The following AGO2 variants were observed in gnomAD, a reference collection of about 807,000 sequenced individuals.
AGO2 encodes the protein argonaute RISC catalytic component 2, also known as protein argonaute-2.
AGO2 carries 5 observed loss-of-function variants against 102.3 expected under a neutral mutation model. The ratio of observed to expected loss-of-function variants is 0.05; its 90% CI spans 0.03 to 0.10. The LOEUF (loss-of-function observed/expected upper bound fraction) is 0.10, where lower values mean the gene tolerates loss of function less well. Among genes scored for constraint, AGO2 ranks in the 10% least tolerant of loss-of-function variants. The pLI, the probability that AGO2 is intolerant of heterozygous loss-of-function variation, is 1.00. For missense variants in AGO2, 541 were observed against 1,183.7 expected (o/e 0.46, Z 7.97); for synonymous variants, 449 against 473.1 (o/e 0.95, Z 0.66).
Position 140,597,474 on chromosome 8 carries a change from A to G in AGO2, c.23-12163T>C, listed in dbSNP as rs796802557. On this transcript the variant is annotated intron_variant, in intron 1 of 18. Coordinates refer to ENST00000220592, the MANE Select transcript of AGO2 (RefSeq NM_012154.5). ...CCGATGGGGGCTGGGTGGCCCCCCC[A>G]CCCCCCCCCCCCCGCCCCAGGCCTC... is the stretch of plus-strand genomic sequence containing the variant. Among the ~76,000 whole-genome samples, 4 of 45,242 alleles carry G rather than the reference A, an allele frequency of 8.8e-5. No individual in the cohort carries two copies. The South Asian group carries it at 3.1e-3, about 35-fold the overall frequency. 29.7% of individuals were successfully genotyped at this position (45,242 alleles called of 152,430 possible).
At chr8:140,635,366 C>A (rs2074393568) in intron 1 of AGO2, 119 bp downstream of exon 1, 1 of 666,806 alleles carries the variant, frequency 1.5e-6, no homozygotes, top group South Asian at 6.5e-5. Context: ...GCCCCCGGCC[C>A]CCGCCGCCCC....
Position 140,556,212 on chromosome 8 carries a change from C to T in AGO2, c.1101G>A (p.Ala367=), listed in dbSNP as rs2271738. The change falls in exon 9 of 19, where the codon GCG becomes GCA. Residue 367 remains alanine (A), a synonymous_variant. Transcript: ENST00000220592. ...TDNQTSTMIR[A]TARSAPDRQE... The stretch of plus-strand genomic sequence containing the variant: ...GCCGATCGGGCGCCGACCTAGCAGT[C>T]GCTCTGATCATGGTTGAGGTCTGAT... 616,284 of 1,613,926 alleles carry T rather than the reference C, an allele frequency of 0.38. 121,763 individuals are homozygous for T. Among genetic ancestry groups the T allele is most frequent in the East Asian group, 0.61 (27,381 of 44,870 alleles).
intron 12 of AGO2, among the ~76,000 whole-genome samples, chr8:140,548,025 A>G (rs2072932175): frequency 1.3e-5 from 2 of 152,222 alleles, no homozygotes; most frequent in South Asian, 4.1e-4. Context: ...TAGGAAGGCC[A>G]CTTACACTGG....
chr8:140,542,200 G>A (rs1394563402), intron 14 of AGO2, among the ~76,000 whole-genome samples: 8 of 152,162 alleles, frequency 5.3e-5, no homozygotes, highest in Admixed American at 5.2e-4. Flanking sequence ...GGAGGGAACC[G>A]GGTAGATCCC....
chr8:140,598,559 C>A (rs117560558), intron 1 of AGO2, among the ~76,000 whole-genome samples: 11 of 152,230 alleles, frequency 7.2e-5, no homozygotes, highest in South Asian at 2.1e-4. Context: ...GTCCACTCTG[C>A]GCGGCAGCAC....
At chr8:140,599,921 C>G (rs573714068) in intron 1 of AGO2, among the ~76,000 whole-genome samples, 1 of 152,192 alleles carries the variant, frequency 6.6e-6, no homozygotes, top group Non-Finnish European at 1.5e-5. Flanking sequence ...GGGGTTTCAC[C>G]GTGTTGGCCA....
At chr8:140,616,112 C>A (rs1218242628) in intron 1 of AGO2, among the ~76,000 whole-genome samples, 5 of 152,164 alleles carry the variant, frequency 3.3e-5, no homozygotes, top group African/African-American at 1.2e-4. Context: ...CCCTTGTAAC[C>A]AAGCCCGTGA....
At chr8:140,628,168 G>A (rs1003679865) in intron 1 of AGO2, among the ~76,000 whole-genome samples, 43 of 152,338 alleles carry the variant, frequency 2.8e-4, no homozygotes, top group Admixed American at 2.7e-3. Flanking sequence ...CTGCTCCCCC[G>A]GCCGCAGCGC....
At chr8:140,629,247 G>A (rs771945306) in intron 1 of AGO2, among the ~76,000 whole-genome samples, 5 of 152,126 alleles carry the variant, frequency 3.3e-5, no homozygotes, top group African/African-American at 9.7e-5. Flanking sequence ...GTGTGACCTC[G>A]GCTCCGGCTG....
chr8:140,561,159 G>A (rs2073195394), intron 4 of AGO2, among the ~76,000 whole-genome samples: 1 of 152,268 alleles, frequency 6.6e-6, no homozygotes, highest in Admixed American at 6.5e-5. Context: ...CTCGACTGAA[G>A]CAGACGCATT....
At chr8:140,641,628 G>A in the AGO2 span, among the ~76,000 whole-genome samples, 1 of 152,068 alleles carries the variant, frequency 6.6e-6, no homozygotes, top group South Asian at 2.1e-4. Context: ...CTGTCACCTG[G>A]GCTGGAGTGC....
At chr8:140,626,813 T>C (rs946589670) in intron 1 of AGO2, 2 of 152,294 alleles carry the variant, frequency 1.3e-5, no homozygotes, top group African/African-American at 4.8e-5. Flanking sequence ...CTGCATTTTT[T>C]ACCCGTGTTA....
chr8:140,571,451 T>C (rs1005409970), intron 3 of AGO2, among the ~76,000 whole-genome samples: 15 of 152,226 alleles, frequency 9.9e-5, no homozygotes, highest in African/African-American at 3.4e-4. Flanking sequence ...GCAAGCGTGA[T>C]TGCACCATTG....
intron 1 of AGO2, among the ~76,000 whole-genome samples, chr8:140,597,257 T>C (rs2073859079): frequency 6.6e-6 from 1 of 152,208 alleles, no homozygotes; most frequent in Non-Finnish European, 1.5e-5. Flanking sequence ...CTCATTTACA[T>C]ACACCCTTTC....
chr8:140,596,028 T>C (rs1312909351), intron 1 of AGO2, among the ~76,000 whole-genome samples: 1 of 138,988 alleles, frequency 7.2e-6, no homozygotes, highest in East Asian at 2.0e-4. Flanking sequence ...TACACACATA[T>C]TATAGAGATG....
rs1410748538 is a variant in AGO2, at chr8:140,522,471, A to G, written c.*9573T>C. ...GCTTAGAACATGAGCAGGTTTGCAA[A>G]TAAGACCTACGCCCAAATCACACTC... is the stretch of plus-strand genomic sequence containing the variant. On this transcript the variant is annotated 3_prime_UTR_variant, in exon 19 of 19. Coordinates refer to ENST00000220592, the MANE Select transcript of AGO2 (RefSeq NM_012154.5). The G allele has an allele frequency of 6.6e-6, 1 of 151,950 alleles. No individual in the cohort carries two copies. Among genetic ancestry groups the G allele is most frequent in the East Asian group, 1.9e-4 (1 of 5,182 alleles). The allele number at this position is 151,950 out of a possible 1,614,324, so 9.4% of individuals were successfully genotyped here.
At position 140,559,611 on chromosome 8, in the gene AGO2, G is replaced by A. The variant is rs1308530234; in HGVS notation, c.656-82C>T. On this transcript the variant is annotated intron_variant, in intron 5 of 18. Coordinates refer to ENST00000220592, the MANE Select transcript of AGO2 (RefSeq NM_012154.5). ...CCCATAGTCCTGGAGGGGCCTCATA[G>A]GCCAGGCCAGCCATGGTGGGGACAC... 5.1e-6 allele frequency: 8 copies of A among 1,559,726 alleles called. No homozygotes were observed. In the East Asian group the frequency reaches 1.6e-4, roughly 31 times the overall value.
chr8:140,568,389 G>A (rs750662241), intron 3 of AGO2, among the ~76,000 whole-genome samples: 5 of 152,134 alleles, frequency 3.3e-5, no homozygotes, highest in Non-Finnish European at 5.9e-5. Flanking sequence ...CACTCAGCTT[G>A]GCTATGGCCC....
At chr8:140,620,987 C>T (rs976213741) in intron 1 of AGO2, among the ~76,000 whole-genome samples, 1 of 152,160 alleles carries the variant, frequency 6.6e-6, no homozygotes, top group Non-Finnish European at 1.5e-5. Flanking sequence ...GATCACAGCT[C>T]ACTGCAGCCT....
Sources: allele counts gnomAD v4.1 joint callset (sites outside exome capture counted in the v4.1 genomes callset), GRCh38; gene constraint gnomAD v4.1.1; transcripts MANE v1.5; gene names NCBI Gene and HGNC (gene_info 2026-07-23, HGNC 2026-07-21).